CCDC81: variants seen among roughly 807,000 people sequenced by gnomAD.
The protein encoded by CCDC81 is coiled-coil domain-containing protein 81.
Under a neutral mutation model 83.7 loss-of-function variants are expected in CCDC81, and 79 were observed. The ratio of observed to expected loss-of-function variants is 0.94; its 90% CI spans 0.79 to 1.14. The LOEUF is 1.14. CCDC81 is among the 50% of genes most tolerant of loss of function. The probability of loss-of-function intolerance (pLI) is 0.00; values close to 1 mark genes in which losing one functional copy is unlikely to be tolerated. For synonymous variants in CCDC81, 252 were observed against 278.1 expected (o/e 0.91, Z 0.93); for missense variants, 791 against 778.1 (o/e 1.02, Z -0.20).
chr11:86,374,990 G>A lies in CCDC81; in HGVS notation c.-174G>A. 2 of 684,240 alleles carry A rather than the reference G, an allele frequency of 2.9e-6. No homozygotes were observed. The highest frequency in any genetic ancestry group is 3.6e-5 in the African/African-American group (2 of 56,234). The allele number at this position is 684,240 out of a possible 1,614,324, so 42.4% of individuals were successfully genotyped here. ...AGAACCAATGTTTAAGTTTATTTAA[G>A]AAAGAAGAAAAAGAGTCAAGAAGTT... On this transcript the variant is annotated 5_prime_UTR_variant, in exon 1 of 15. Coordinates refer to ENST00000445632, the MANE Select transcript of CCDC81 (RefSeq NM_001156474.2).
At position 86,422,952 on chromosome 11, in the gene CCDC81, T is replaced by C; in HGVS notation, c.*237T>C. ...AAGGTGTCTGAATGGTCCTGAGGGC[T>C]AGAACCTGCTGCACAGGGGCTGGGA... On this transcript the variant is annotated 3_prime_UTR_variant, in exon 15 of 15. Transcript: ENST00000445632. The C allele has an allele frequency of 2.2e-6, 1 of 451,110 alleles. No homozygotes were observed. The highest frequency in any genetic ancestry group is 4.0e-6 in the Non-Finnish European group (1 of 252,824). The allele number at this position is 451,110 out of a possible 1,614,324, so 27.9% of individuals were successfully genotyped here. A position where few individuals can be genotyped will look rare whatever the true frequency, so the allele number is the denominator to read the frequency against.
intron 9 of CCDC81, among the ~76,000 whole-genome samples, chr11:86,408,549 G>T (rs1199308777): frequency 6.6e-6 from 1 of 152,054 alleles, no homozygotes; most frequent in Non-Finnish European, 1.5e-5. Flanking sequence ...GCCCAGGGTG[G>T]TCTCCAACTC....
Position 86,415,263 on chromosome 11 carries a change from A to G in CCDC81, c.1641A>G (p.Gln547=), listed in dbSNP as rs1445099240. The change falls in exon 13 of 15, where the codon CAA becomes CAG. Residue 547 remains glutamine, a synonymous_variant. Transcript: ENST00000445632. The part of the protein sequence containing the change: ...ANHKRKAILH[Q]LVDQRRDLQM... Reference sequence around the variant, plus strand: ...ACAAGAGGAAAGCCATCCTGCATCAACTAGTGGACCAGAGGCGGGATTTGC... The same window carrying G: ...ACAAGAGGAAAGCCATCCTGCATCAGCTAGTGGACCAGAGGCGGGATTTGC... 1 of 1,614,198 alleles carries G rather than the reference A, an allele frequency of 6.2e-7. No individual in the cohort carries two copies. The highest frequency in any genetic ancestry group is 8.5e-7 in the Non-Finnish European group (1 of 1,180,036).
At position 86,406,861 on chromosome 11, in the gene CCDC81, G is replaced by A. The variant is rs150308424; in HGVS notation, c.882-753G>A. Among the ~76,000 whole-genome samples, 33 of 152,194 alleles carry A rather than the reference G, an allele frequency of 2.2e-4. No homozygotes were observed. In the East Asian group the frequency reaches 6.2e-3, roughly 28 times the overall value. The stretch of plus-strand genomic sequence containing the variant: ...AATAAATATTTTCATTCTTCGAGCT[G>A]CTTTTTAGGTGATACTATCTGTCCT... On this transcript the variant is annotated intron_variant, in intron 7 of 14. Coordinates refer to ENST00000445632, the MANE Select transcript of CCDC81 (RefSeq NM_001156474.2).
chr11:86,407,945 G>T (rs1948584128), intron 8 of CCDC81, among the ~76,000 whole-genome samples, 182 bp from the exon 9 acceptor site: 1 of 152,194 alleles, frequency 6.6e-6, no homozygotes, highest in South Asian at 2.1e-4. Flanking sequence ...TGAAGTGAGA[G>T]TTCAGAAGAT....
intron 1 of CCDC81, among the ~76,000 whole-genome samples, chr11:86,378,869 GTTTC>G (rs1462935644): frequency 6.6e-6 from 1 of 151,952 alleles, no homozygotes; most frequent in Non-Finnish European, 1.5e-5. Context: ...TTTAGATTGG[GTTTC>G]TTTTAGACAA....
In CCDC81 at chr11:86,422,617, C is replaced by T. The variant is rs565863880; in HGVS notation, c.1861C>T (p.Arg621Trp). 1.5e-5 allele frequency: 25 copies of T among 1,613,860 alleles called. No individual in the cohort carries two copies. Among genetic ancestry groups the T allele is most frequent in the East Asian group, 6.7e-5 (3 of 44,876 alleles). Reference protein sequence around the residue: ...LFLLDQCEKYRRCKQCQRRTS... With the variant: ...LFLLDQCEKYWRCKQCQRRTS... ...TCTCCTAGACCAGTGTGAGAAGTAT[C>T]GGCGCTGCAAGCAATGCCAGAGGCG... The change falls in exon 15 of 15, where the codon CGG becomes TGG. Residue 621 changes from arginine to tryptophan, a missense_variant. Arg to Trp is a moderately radical substitution (Grantham distance 101). Coordinates refer to ENST00000445632, the MANE Select transcript of CCDC81 (RefSeq NM_001156474.2).
intron 3 of CCDC81, among the ~76,000 whole-genome samples, chr11:86,389,880 C>A (rs1244809437): frequency 2.0e-5 from 3 of 152,054 alleles, no homozygotes; most frequent in African/African-American, 7.2e-5. Flanking sequence ...CTGAGGCAGG[C>A]GGATCACAAG....
chr11:86,387,796 A>G lies in CCDC81; in HGVS notation c.298+124A>G, dbSNP rs1010638078. 7.0e-6 allele frequency: 5 copies of G among 712,098 alleles called. No individual in the cohort carries two copies. In the Admixed American group the frequency reaches 1.5e-4, roughly 22 times the overall value. The allele number at this position is 712,098 out of a possible 1,614,324, so 44.1% of individuals were successfully genotyped here. On this transcript the variant is annotated intron_variant, in intron 3 of 14. Coordinates refer to ENST00000445632, the MANE Select transcript of CCDC81 (RefSeq NM_001156474.2). The stretch of plus-strand genomic sequence containing the variant: ...TTATTTGAGGAACTCACTTTTCACA[A>G]GGTGCTTTTGGCAGAGGGAGGGGCC...
chr11:86,400,014 C>T (rs1453665445), intron 6 of CCDC81, among the ~76,000 whole-genome samples: 1 of 151,250 alleles, frequency 6.6e-6, no homozygotes, highest in Non-Finnish European at 1.5e-5. Context: ...ACCTGTTATT[C>T]CAGCTACTTG....
chr11:86,420,084 C>A (rs1026813463), intron 14 of CCDC81, 31 bp downstream of exon 14: 1 of 1,604,070 alleles, frequency 6.2e-7, no homozygotes, highest in African/African-American at 1.3e-5. Context: ...CAAAATTCTC[C>A]TGCTCCTTGT....
intron 4 of CCDC81, among the ~76,000 whole-genome samples, chr11:86,393,158 G>T (rs558860692): frequency 3.2e-4 from 48 of 152,316 alleles, no homozygotes; most frequent in African/African-American, 1.1e-3. Context: ...CACATGCCGG[G>T]TTTGAGTGAT....
At chr11:86,408,933 T>C (rs1948599749) in intron 9 of CCDC81, among the ~76,000 whole-genome samples, 1 of 149,886 alleles carries the variant, frequency 6.7e-6, no homozygotes, top group Non-Finnish European at 1.5e-5. Flanking sequence ...AAAGACAGAA[T>C]GGCACTTTTA....
intron 9 of CCDC81, 50 bp from the exon 10 acceptor site, chr11:86,409,211 A>G: frequency 1.0e-6 from 1 of 957,020 alleles, no homozygotes; most frequent in Non-Finnish European, 1.5e-6. Context: ...CTCCACTTCA[A>G]TATGTAATTT....
intron 5 of CCDC81, 58 bp downstream of exon 5, chr11:86,395,471 A>G (rs946524593): frequency 3.1e-6 from 4 of 1,307,874 alleles, no homozygotes; most frequent in Non-Finnish European, 4.4e-6. Flanking sequence ...TGATCTGCTG[A>G]TCTCATTGGG....
At chr11:86,404,315 C>T (rs1470512454) in intron 7 of CCDC81, among the ~76,000 whole-genome samples, 1 of 152,064 alleles carries the variant, frequency 6.6e-6, no homozygotes, top group Non-Finnish European at 1.5e-5. Context: ...AAATCTAGTC[C>T]ACCATATATT....
At chr11:86,386,232 T>G (rs1948240136) in intron 2 of CCDC81, 120 bp downstream of exon 2, 1 of 284,200 alleles carries the variant, frequency 3.5e-6, no homozygotes, top group South Asian at 1.3e-4. Context: ...GCAGTAGACT[T>G]TAGAGCCATC....
At chr11:86,379,371 C>T (rs1440035902) in intron 1 of CCDC81, among the ~76,000 whole-genome samples, 1 of 152,110 alleles carries the variant, frequency 6.6e-6, no homozygotes, top group African/African-American at 2.4e-5. Flanking sequence ...GCTGGGATTA[C>T]AGGTGTGAGC....
At chr11:86,395,189 T>A in intron 4 of CCDC81, 145 bp from the exon 5 acceptor site, 1 of 571,678 alleles carries the variant, frequency 1.7e-6, no homozygotes, top group Non-Finnish European at 3.1e-6. Context: ...TCATTGGATT[T>A]TTAAGCTCTG....
Sources: gnomAD v4.1 joint callset for allele counts (sites outside exome capture counted in the v4.1 genomes callset) on GRCh38, gnomAD v4.1.1 for gene constraint, MANE v1.5 for transcripts, NCBI Gene and HGNC (gene_info 2026-07-23, HGNC 2026-07-21) for gene names.